The following CPN1 variants were observed in gnomAD, a reference collection of about 807,000 sequenced individuals.
The protein encoded by CPN1 is carboxypeptidase N subunit 1.
In CPN1, 37 loss-of-function variants were observed where a neutral mutation model predicts 46.4. That is an observed-to-expected ratio of 0.80 (90% CI 0.61 to 1.05). The LOEUF (loss-of-function observed/expected upper bound fraction) is 1.05. CPN1 is among the 50% of genes least tolerant of loss of function. The pLI is 0.00. For synonymous variants in CPN1, 224 were observed against 235.4 expected (o/e 0.95, Z 0.44); for missense variants, 563 against 602.6 (o/e 0.93, Z 0.69).
chr10:100,069,961 T>A (rs2041475360), intron 2 of CPN1, 92 bp from the exon 3 acceptor site: 2 of 1,466,556 alleles, frequency 1.4e-6, no homozygotes, highest in South Asian at 2.3e-5. Flanking sequence ...CTCACACTGT[T>A]GCCCAGGCTG....
chr10:100,079,991 C>T (rs1185697141), intron 1 of CPN1, among the ~76,000 whole-genome samples: 3 of 151,428 alleles, frequency 2.0e-5, no homozygotes, highest in African/African-American at 7.3e-5. Flanking sequence ...GAGGCTGAGG[C>T]AGGAGAATTG....
chr10:100,053,839 A>C (rs1038764712), intron 7 of CPN1, among the ~76,000 whole-genome samples: 58 of 152,156 alleles, frequency 3.8e-4, no homozygotes, highest in African/African-American at 1.4e-3. Flanking sequence ...TAGCTCTAAG[A>C]TCCGCCTCCA....
intron 5 of CPN1, among the ~76,000 whole-genome samples, chr10:100,058,478 G>C (rs544347222): frequency 2.0e-5 from 3 of 152,186 alleles, no homozygotes; most frequent in African/African-American, 7.2e-5. Flanking sequence ...ATACTTGCTT[G>C]TTCTGATCTT....
At chr10:100,042,850 T>TC (rs2041285657) in intron 8 of CPN1, among the ~76,000 whole-genome samples, 1 of 150,828 alleles carries the variant, frequency 6.6e-6, no homozygotes, top group Admixed American at 6.6e-5. Context: ...TCCCAGCACT[T>TC]GGGAGGCTGA....
rs538193251 is a variant in CPN1 at position 100,069,770 on chromosome 10, C to T, written c.520G>A (p.Glu174Lys). 67 of 1,613,762 alleles carry T rather than the reference C, an allele frequency of 4.2e-5. No homozygotes were observed. In the East Asian group the frequency reaches 6.7e-4, roughly 16 times the overall value. ...PDLNTYIYYN[E>K]KYGGPNHHLP... Reference sequence around the variant, plus strand: ...TGGTGGTTGGGGCCTCCGTACTTCTCGTTATAGTAGATATAGGTATTGAGA... The same window carrying T: ...TGGTGGTTGGGGCCTCCGTACTTCTTGTTATAGTAGATATAGGTATTGAGA... Residue 174 changes from glutamate (E) to lysine (K), a missense_variant, in exon 3 of 9, where the codon GAG becomes AAG. Physicochemically the swap from Glu to Lys is moderately conservative, Grantham distance 56. Coordinates refer to ENST00000370418, the MANE Select transcript of CPN1 (RefSeq NM_001308.3).
intron 2 of CPN1, among the ~76,000 whole-genome samples, chr10:100,072,057 T>A (rs567521211): frequency 6.6e-6 from 1 of 152,354 alleles, no homozygotes; most frequent in East Asian, 1.9e-4. Context: ...TAATGCTGCT[T>A]TGAACATCCA....
intron 8 of CPN1, among the ~76,000 whole-genome samples, chr10:100,044,835 C>T (rs1482187029): frequency 1.3e-5 from 2 of 152,042 alleles, no homozygotes; most frequent in Non-Finnish European, 2.9e-5. Context: ...CTCAGCCTCC[C>T]AAGGAGCTGG....
intron 8 of CPN1, among the ~76,000 whole-genome samples, chr10:100,042,886 G>A (rs2041285861): frequency 6.6e-6 from 1 of 151,974 alleles, no homozygotes; most frequent in Non-Finnish European, 1.5e-5. Flanking sequence ...GAGGTCAGGA[G>A]TTCAAGACCA....
Position 100,081,654 on chromosome 10 carries a change from T to C in CPN1, c.-29A>G. 6.3e-7 allele frequency: 1 copy of C among 1,592,852 alleles called. No individual in the cohort carries two copies. The highest frequency in any genetic ancestry group is 8.6e-7 in the Non-Finnish European group (1 of 1,162,458). On this transcript the variant is annotated 5_prime_UTR_variant, in exon 1 of 9. Coordinates refer to ENST00000370418, the MANE Select transcript of CPN1 (RefSeq NM_001308.3). ...GCTGGGCTTTTTCAAAGAGAGCCAC[T>C]GAAACGCGCCCCACCTCCTTAAACA...
At chr10:100,057,214 A>T in intron 5 of CPN1, 62 bp from the exon 6 acceptor site, 1 of 1,543,386 alleles carries the variant, frequency 6.5e-7, no homozygotes, top group Non-Finnish European at 8.8e-7. Context: ...GCCCCATCTC[A>T]TCTCTCTCTC....
At chr10:100,075,792 A>C in intron 2 of CPN1, 119 bp downstream of exon 2, 1 of 1,131,400 alleles carries the variant, frequency 8.8e-7, no homozygotes, top group South Asian at 1.4e-5. Flanking sequence ...TGGCCATTTC[A>C]TCTTTTACTT....
chr10:100,074,936 CTAATAA>C (rs936313349), intron 2 of CPN1, among the ~76,000 whole-genome samples: 1 of 152,192 alleles, frequency 6.6e-6, no homozygotes, highest in Non-Finnish European at 1.5e-5. Flanking sequence ...TAAGATGTTA[CTAATAA>C]TAATAAGACA....
Position 100,075,982 on chromosome 10 carries a change from G to C in CPN1, c.349C>G (p.Leu117Val). Residue 117 changes from leucine to valine, a missense_variant, in exon 2 of 9, where the codon CTC becomes GTC. Transcript: ENST00000370418. The stretch of plus-strand genomic sequence containing the variant: ...ATGTGAATGCGCGTGTCCTGGATGA[G>C]CTGGACGATGCGCTGGTTCCTGTTC... Reference protein sequence around the residue: ...FRNRNQRIVQLIQDTRIHILP... With the variant: ...FRNRNQRIVQVIQDTRIHILP... 1 of 1,614,174 alleles carries C rather than the reference G, an allele frequency of 6.2e-7. No individual in the cohort carries two copies. The highest frequency in any genetic ancestry group is 8.5e-7 in the Non-Finnish European group (1 of 1,180,030).
chr10:100,056,955 T>A, intron 6 of CPN1, 58 bp downstream of exon 6: 1 of 1,611,594 alleles, frequency 6.2e-7, no homozygotes, highest in Non-Finnish European at 8.5e-7. Flanking sequence ...ACACCTTGCC[T>A]GCCATTGAGA....
In CPN1 at chr10:100,081,566, CG is replaced by C. The variant is rs765273218; in HGVS notation, c.59del (p.Pro20ArgfsTer2). 1 of 1,614,088 alleles carries C rather than the reference CG, an allele frequency of 6.2e-7. No homozygotes were observed. Among genetic ancestry groups the C allele is most frequent in the African/African-American group, 1.3e-5 (1 of 75,002 alleles). On this transcript the variant is annotated frameshift_variant, in exon 1 of 9. Transcript: ENST00000370418. LOFTEE classifies it high-confidence loss of function. ...CATAGCGGTGGTGGCGAAAGGTCAC[CG>C]GGGCAACCAACTTGAAGAGAAGGAG... The part of the protein sequence containing the change: ...HLLLLFKLVA[P>X]VTFRHHRYDD...
chr10:100,059,144 A>G (rs1258881648), intron 5 of CPN1, among the ~76,000 whole-genome samples: 1 of 152,202 alleles, frequency 6.6e-6, no homozygotes, highest in Non-Finnish European at 1.5e-5. Flanking sequence ...TTTCCTGGAT[A>G]TAAAATCAAA....
chr10:100,056,481 G>A (rs2041385023), intron 6 of CPN1, among the ~76,000 whole-genome samples: 1 of 152,148 alleles, frequency 6.6e-6, no homozygotes, highest in African/African-American at 2.4e-5. Context: ...AGTTCCATAT[G>A]GGCAGGGATA....
At chr10:100,071,127 T>C (rs1438244106) in intron 2 of CPN1, among the ~76,000 whole-genome samples, 1 of 152,232 alleles carries the variant, frequency 6.6e-6, no homozygotes, top group Non-Finnish European at 1.5e-5. Context: ...CATTTCTTTC[T>C]ATTGCTGAAT....
intron 1 of CPN1, among the ~76,000 whole-genome samples, chr10:100,079,766 G>T (rs903227387): frequency 6.6e-6 from 1 of 152,194 alleles, no homozygotes; most frequent in Non-Finnish European, 1.5e-5. Flanking sequence ...GTACCAAATG[G>T]AAGATTCAGA....
Sources: gnomAD v4.1 joint callset for allele counts (sites outside exome capture counted in the v4.1 genomes callset) on GRCh38, gnomAD v4.1.1 for gene constraint, MANE v1.5 for transcripts, NCBI Gene and HGNC (gene_info 2026-07-23, HGNC 2026-07-21) for gene names.